The following KLHL13 variants were observed in gnomAD, a reference collection of about 807,000 sequenced individuals.
The protein encoded by KLHL13 is kelch like family member 13.
A neutral mutation model predicts 37.1 loss-of-function variants in KLHL13; 10 were observed. The ratio of observed to expected loss-of-function variants is 0.27; its 90% confidence interval spans 0.17 to 0.46. KLHL13 has a LOEUF of 0.46. KLHL13 is among the 20% of genes least tolerant of loss of function. KLHL13 has a pLI of 1.00. For missense variants in KLHL13, 360 were observed against 509.3 expected, an observed-to-expected ratio of 0.71 and a Z score of 2.82; for synonymous variants, 163 against 181.2, an observed-to-expected ratio of 0.90 and a Z score of 0.81.
chrX:117,946,100 C>T (rs1043480986), intron 1 of KLHL13: 8 of 111,229 alleles, frequency 7.2e-5, no homozygotes, highest in Admixed American at 5.8e-4. Flanking sequence ...ACTCCAAACC[C>T]CCATTAATAA....
At chrX:118,073,595 G>A (rs1031524488) in intron 1 of KLHL13, among the ~76,000 whole-genome samples, 5 of 111,671 alleles carry the variant, frequency 4.5e-5, no homozygotes, top group African/African-American at 1.3e-4. Flanking sequence ...CTGTACTAGG[G>A]GTTGATGTTA....
At chrX:118,090,221 A>G (rs1372883275) in intron 1 of KLHL13, among the ~76,000 whole-genome samples, 1 of 111,427 alleles carries the variant, frequency 9.0e-6, no homozygotes, top group Non-Finnish European at 1.9e-5. Flanking sequence ...TTCAGGACAT[A>G]GGCATGGGCG....
At chrX:118,021,519 T>C (rs1386093450) in intron 1 of KLHL13, among the ~76,000 whole-genome samples, 1 of 109,725 alleles carries the variant, frequency 9.1e-6, no homozygotes, top group African/African-American at 3.3e-5. Context: ...GATAGTTTGC[T>C]GAGAATGATG....
At chrX:117,913,646 C>T (rs1314215162) in intron 4 of KLHL13, among the ~76,000 whole-genome samples, 1 of 111,294 alleles carries the variant, frequency 9.0e-6, no homozygotes, top group African/African-American at 3.3e-5. Flanking sequence ...GAGATCGAGA[C>T]CATCTTGGCC....
At chrX:118,078,207 T>A (rs1426367558) in intron 1 of KLHL13, among the ~76,000 whole-genome samples, 1 of 111,998 alleles carries the variant, frequency 8.9e-6, no homozygotes, top group Non-Finnish European at 1.9e-5. Context: ...CAAATGGTGG[T>A]CCAATTTATA....
At chrX:117,923,698 G>T (rs145649556) in intron 2 of KLHL13, among the ~76,000 whole-genome samples, 10,207 of 109,984 alleles carry the variant, frequency 0.093, 437 homozygotes, top group African/African-American at 0.16. Flanking sequence ...ATCATGTATC[G>T]TCAGCTGTGT....
rs779817730 is a variant in KLHL13, at chrX:118,046,464, A to T, written c.-56+70044T>A. On this transcript the variant is annotated intron_variant, in intron 1 of 6. Coordinates refer to the KLHL13 transcript ENST00000371882. ...ACTACAGTTAGATAGAATAAATAAG[A>T]TCTATTATTTGATAGCACAACAGGA... Among the ~76,000 whole-genome samples, 4 of 112,039 alleles carry T rather than the reference A, an allele frequency of 3.6e-5. No individual in the cohort carries two copies. The East Asian group carries it at 1.1e-3, about 31-fold the overall frequency.
intron 1 of KLHL13, among the ~76,000 whole-genome samples, chrX:117,954,070 G>A (rs757474394): frequency 5.3e-4 from 59 of 111,180 alleles, no homozygotes; most frequent in Non-Finnish European, 9.3e-4. Flanking sequence ...CGTAGATAAG[G>A]GAATTGGGCT....
intron 1 of KLHL13, among the ~76,000 whole-genome samples, chrX:118,018,435 C>T (rs2054153913): frequency 9.0e-6 from 1 of 111,621 alleles, no homozygotes; most frequent in Non-Finnish European, 1.9e-5. Flanking sequence ...AGATTTTTTA[C>T]TAGTCCTTTA....
intron 1 of KLHL13, among the ~76,000 whole-genome samples, chrX:117,991,816 T>C (rs5956836): frequency 0.056 from 5,924 of 105,170 alleles, 415 homozygotes; most frequent in African/African-American, 0.19. Context: ...AAAGCTTTCC[T>C]TATCTCAAAA....
intron 1 of KLHL13, among the ~76,000 whole-genome samples, chrX:118,045,209 T>C (rs375243513): frequency 5.5e-5 from 6 of 108,430 alleles, no homozygotes; most frequent in African/African-American, 2.0e-4. Flanking sequence ...CTGTCTCTAC[T>C]AAAAATACAA....
intron 1 of KLHL13, among the ~76,000 whole-genome samples, chrX:117,965,105 T>C (rs938268106): frequency 8.9e-6 from 1 of 111,913 alleles, no homozygotes; most frequent in Non-Finnish European, 1.9e-5. Context: ...ATATACCCAG[T>C]AATGGGATGG....
chrX:117,927,549 G>A (rs1358071809), intron 2 of KLHL13, among the ~76,000 whole-genome samples: 2 of 112,440 alleles, frequency 1.8e-5, no homozygotes, highest in African/African-American at 6.5e-5. Flanking sequence ...GGCCAAAATA[G>A]AGCCCTAGCA....
chrX:117,945,761 G>A, intron 1 of KLHL13, 186 bp from the exon 3 acceptor site: 1 of 387,925 alleles, frequency 2.6e-6, no homozygotes. Context: ...TTGTAAAATG[G>A]TTTCCAAGTA....
intron 1 of KLHL13, among the ~76,000 whole-genome samples, chrX:117,951,856 G>T (rs1276202337): frequency 1.8e-5 from 2 of 111,753 alleles, no homozygotes; most frequent in Non-Finnish European, 3.8e-5. Flanking sequence ...AGGACATGAA[G>T]GACCTCTTCA....
chrX:118,000,576 A>G (rs975822791), intron 1 of KLHL13, among the ~76,000 whole-genome samples: 1 of 111,711 alleles, frequency 9.0e-6, no homozygotes, highest in Non-Finnish European at 1.9e-5. Context: ...GGGGTCCTAC[A>G]TAGGATACTC....
intron 4 of KLHL13, among the ~76,000 whole-genome samples, chrX:117,918,922 A>G (rs952283388): frequency 8.9e-6 from 1 of 112,375 alleles, no homozygotes; most frequent in Non-Finnish European, 1.9e-5. Context: ...ATAGTCATTA[A>G]GGTGAATAAA....
intron 1 of KLHL13, among the ~76,000 whole-genome samples, chrX:118,052,521 C>CAAA (rs34474188): frequency 1.5e-5 from 1 of 65,289 alleles, no homozygotes; most frequent in African/African-American, 5.6e-5. Context: ...GACTCCGTCT[C>CAAA]AAAAAAAAAA....
intron 1 of KLHL13, among the ~76,000 whole-genome samples, chrX:117,968,597 G>A (rs1204995450): frequency 9.0e-6 from 1 of 111,634 alleles, no homozygotes; most frequent in Non-Finnish European, 1.9e-5. Context: ...ACAAAATTAA[G>A]TAGACACAAA....
Sources: gnomAD v4.1 joint callset for allele counts (sites outside exome capture counted in the v4.1 genomes callset) on GRCh38, gnomAD v4.1.1 for gene constraint, MANE v1.5 for transcripts, NCBI Gene and HGNC (gene_info 2026-07-23, HGNC 2026-07-21) for gene names.